The following GASK1A variants were observed in gnomAD, a reference collection of about 807,000 sequenced individuals.
GASK1A encodes the protein golgi associated kinase 1A.
Under a neutral mutation model 41.2 loss-of-function variants are expected in GASK1A, and 40 were observed. The ratio of observed to expected loss-of-function variants is 0.97; its 90% CI spans 0.75 to 1.27. The LOEUF (loss-of-function observed/expected upper bound fraction) is 1.27, where lower values mean the gene tolerates loss of function less well. Ranked by LOEUF, GASK1A falls within the 50% of genes most tolerant of loss-of-function variation. The pLI, the probability that GASK1A is intolerant of heterozygous loss-of-function variation, is 0.00. For synonymous variants in GASK1A, 316 were observed against 307.1 expected, an observed-to-expected ratio of 1.03 and a Z score of -0.30; for missense variants, 678 against 745.1, an observed-to-expected ratio of 0.91 and a Z score of 1.05.
chr3:43,053,380 C>A (rs1001225538), intron 2 of GASK1A, 141 bp from the exon 3 acceptor site: 2 of 927,070 alleles, frequency 2.2e-6, no homozygotes, highest in East Asian at 2.7e-5. Flanking sequence ...TTAGTAATGA[C>A]CAGCACAGAG....
At chr3:43,053,878 C>A in intron 3 of GASK1A, 1 of 612,992 alleles carries the variant, frequency 1.6e-6, no homozygotes, top group Non-Finnish European at 3.0e-6. Context: ...GGGCTGGAGC[C>A]TTGTTTTCAC....
At chr3:42,999,149 A>C (rs984764599) in intron 1 of GASK1A, among the ~76,000 whole-genome samples, 4 of 151,858 alleles carry the variant, frequency 2.6e-5, no homozygotes, top group Non-Finnish European at 5.9e-5. Context: ...TCACAGTGTG[A>C]CAATCTGATT....
intron 1 of GASK1A, among the ~76,000 whole-genome samples, chr3:43,028,377 G>A (rs2089555812): frequency 1.3e-5 from 2 of 152,196 alleles, no homozygotes; most frequent in Admixed American, 1.3e-4. Context: ...TTGGCCAAAA[G>A]GAGGGGTCCA....
chr3:42,990,896 G>T (rs1373131922), intron 1 of GASK1A, among the ~76,000 whole-genome samples: 1 of 152,192 alleles, frequency 6.6e-6, no homozygotes, highest in Non-Finnish European at 1.5e-5. Context: ...TAAGGGGCCG[G>T]ACCCAAACCT....
intron 1 of GASK1A, among the ~76,000 whole-genome samples, chr3:43,030,941 G>A (rs2089572549): frequency 6.6e-6 from 1 of 152,210 alleles, no homozygotes; most frequent in South Asian, 2.1e-4. Context: ...CCACAGGGGA[G>A]CTTCTCAGAA....
At chr3:43,024,275 T>C (rs1414821280) in intron 1 of GASK1A, among the ~76,000 whole-genome samples, 2 of 152,200 alleles carry the variant, frequency 1.3e-5, no homozygotes, top group Non-Finnish European at 2.9e-5. Context: ...CAGAGCCTGC[T>C]GAAATTATTC....
At chr3:43,026,046 G>A (rs934921916) in intron 1 of GASK1A, among the ~76,000 whole-genome samples, 3 of 152,188 alleles carry the variant, frequency 2.0e-5, no homozygotes, top group Admixed American at 6.5e-5. Context: ...ATCTCAGAAA[G>A]CACCAATGAA....
rs1228817681 is a variant in GASK1A, at chr3:43,026,516, A to G, written c.4-5751A>G. Among the ~76,000 whole-genome samples, 6 of 152,260 alleles carry G rather than the reference A, an allele frequency of 3.9e-5. 1 individual carries two copies. In the South Asian group the frequency reaches 8.3e-4, roughly 21 times the overall value. ...AGCAATCTTATCACAATGAATTTTTAAAACTTAAAGTACCCTCTGTGAATA... is the reference window on the plus strand; with the variant it reads ...AGCAATCTTATCACAATGAATTTTTGAAACTTAAAGTACCCTCTGTGAATA... On this transcript the variant is annotated intron_variant, in intron 1 of 4. Transcript: ENST00000430121.
chr3:43,008,358 A>AC (rs919738642), intron 1 of GASK1A, among the ~76,000 whole-genome samples: 1 of 152,064 alleles, frequency 6.6e-6, no homozygotes, highest in African/African-American at 2.4e-5. Flanking sequence ...TGCCACGTGC[A>AC]CCCCCAGACG....
At chr3:43,013,723 C>T (rs1327899432) in intron 1 of GASK1A, among the ~76,000 whole-genome samples, 1 of 130,574 alleles carries the variant, frequency 7.7e-6, no homozygotes, top group South Asian at 2.5e-4. Context: ...AGTCACAGGA[C>T]AGGGTAGTGT....
At chr3:42,996,671 G>C (rs1346579495) in intron 1 of GASK1A, among the ~76,000 whole-genome samples, 1 of 152,216 alleles carries the variant, frequency 6.6e-6, no homozygotes, top group Non-Finnish European at 1.5e-5. Flanking sequence ...GCTATGCTAG[G>C]CTGGTGATGG....
intron 2 of GASK1A, chr3:43,037,481 T>C (rs1272333922): frequency 5.1e-6 from 3 of 593,042 alleles, no homozygotes; most frequent in Non-Finnish European, 9.1e-6. Context: ...TGAAGGATGC[T>C]GGAAGGGTAA....
chr3:43,018,582 A>G (rs200375446), intron 1 of GASK1A, among the ~76,000 whole-genome samples: 2 of 152,226 alleles, frequency 1.3e-5, no homozygotes, highest in Non-Finnish European at 2.9e-5. Flanking sequence ...AGCTTGCAGT[A>G]TATCAAATGG....
At position 43,040,883 on chromosome 3, in the gene GASK1A, C is replaced by CCT. The variant is rs1275576278; in HGVS notation, c.1290+7330_1290+7331insCT. ...ATCTCCCAATGCTATCCCTCCCCCC[C>CCT]GCCACAACAGTCCGCAGAGTGTGAT... On this transcript the variant is annotated intron_variant, in intron 2 of 4. Transcript: ENST00000430121. 1.3e-4 allele frequency among the ~76,000 whole-genome samples: 16 copies of CCT among 123,378 alleles called. 2 individuals are homozygous for CCT. In the South Asian group the frequency reaches 2.4e-3, roughly 19 times the overall value. 80.9% of individuals were successfully genotyped at this position (123,378 alleles called of 152,430 possible). A position where few individuals can be genotyped will look rare whatever the true frequency, so the allele number is the denominator to read the frequency against.
At chr3:43,047,827 A>G (rs13087867) in intron 2 of GASK1A, among the ~76,000 whole-genome samples, 1 of 152,114 alleles carries the variant, frequency 6.6e-6, no homozygotes, top group Admixed American at 6.5e-5. Flanking sequence ...TGCTAAATCC[A>G]CCCAACCTGC....
rs1039916452 is a variant in GASK1A, at chr3:43,033,283, G to A, written c.1020G>A (p.Leu340=). The part of the protein sequence containing the change: ...LSFHVDRVLG[L]RRSLPAVARR... ...TCCACGTAGATCGTGTGCTGGGGCTGCGCCGGAGCCTACCTGCTGTGGCCC... is the reference window on the plus strand; with the variant it reads ...TCCACGTAGATCGTGTGCTGGGGCTACGCCGGAGCCTACCTGCTGTGGCCC... The change falls in exon 2 of 5, where the codon CTG becomes CTA. Residue 340 remains leucine, a synonymous_variant. Coordinates refer to ENST00000430121, the MANE Select transcript of GASK1A (RefSeq NM_001129908.3). 4.5e-6 allele frequency: 7 copies of A among 1,551,434 alleles called. No individual in the cohort carries two copies. The highest frequency in any genetic ancestry group is 6.1e-6 in the Non-Finnish European group (7 of 1,146,976).
chr3:42,979,890 G>A, intron 1 of GASK1A, among the ~76,000 whole-genome samples: 1 of 152,062 alleles, frequency 6.6e-6, no homozygotes, highest in Non-Finnish European at 1.5e-5. Flanking sequence ...TTACTAATCT[G>A]CACTCCTTGA....
chr3:43,008,843 C>T (rs2089449063), intron 1 of GASK1A, among the ~76,000 whole-genome samples: 1 of 152,214 alleles, frequency 6.6e-6, no homozygotes, highest in African/African-American at 2.4e-5. Context: ...CACACGCTTT[C>T]CTCTCAGTTA....
intron 1 of GASK1A, among the ~76,000 whole-genome samples, chr3:42,982,165 G>A (rs1305401909): frequency 1.3e-5 from 2 of 152,326 alleles, no homozygotes; most frequent in Admixed American, 6.5e-5. Flanking sequence ...TTTCTAAAGC[G>A]AAGATTGGAA....
Sources: gnomAD v4.1 joint callset for allele counts (sites outside exome capture counted in the v4.1 genomes callset) on GRCh38, gnomAD v4.1.1 for gene constraint, MANE v1.5 for transcripts, NCBI Gene and HGNC (gene_info 2026-07-23, HGNC 2026-07-21) for gene names.